Variants in MPHOSPH9 observed in about 807,000 individuals in gnomAD.
MPHOSPH9 encodes the protein M-phase phosphoprotein 9.
MPHOSPH9 carries 88 observed loss-of-function variants against 145.5 expected under a neutral mutation model. The ratio of observed to expected loss-of-function variants is 0.60; its 90% CI spans 0.51 to 0.72. The LOEUF (loss-of-function observed/expected upper bound fraction) is 0.72, where lower values mean the gene tolerates loss of function less well. MPHOSPH9 is among the 30% of genes least tolerant of loss of function. MPHOSPH9 has a pLI of 0.00. For missense variants in MPHOSPH9, 1,238 were observed against 1,386.6 expected (o/e 0.89, Z 1.70); for synonymous variants, 435 against 486.2 (o/e 0.89, Z 1.39).
intron 16 of MPHOSPH9, among the ~76,000 whole-genome samples, chr12:123,173,651 G>C (rs962175082): frequency 6.6e-5 from 10 of 152,194 alleles, no homozygotes; most frequent in Admixed American, 6.5e-4. Context: ...ATGCCCAAAA[G>C]GACAGGGCTC....
chr12:123,202,209 G>C lies in MPHOSPH9; in HGVS notation c.1892C>G (p.Ser631Cys), dbSNP rs1404137503. The change falls in exon 11 of 24, where the codon TCT becomes TGT. Residue 631 changes from serine to cysteine, a missense_variant. By Grantham distance (112) the Ser-to-Cys change is moderately radical. This residue lies in a region of MPHOSPH9 where 837 missense variants were observed against 897.5 expected (regional missense o/e 0.93). Transcript: ENST00000606320. Reference protein sequence around the residue: ...LKQKLEAKEISGVEDWKITNQ... With the variant: ...LKQKLEAKEICGVEDWKITNQ... ...GGTTATCTTCCAATCTTCAACTCCA[G>C]AGATTTCTTTTGCCTCCAGCTTCTG... 1 of 1,612,486 alleles carries C rather than the reference G, an allele frequency of 6.2e-7. No homozygotes were observed. Among genetic ancestry groups the C allele is most frequent in the South Asian group, 1.1e-5 (1 of 90,520 alleles).
chr12:123,159,860 T>G lies in MPHOSPH9; in HGVS notation c.3450+921A>C, dbSNP rs2044028835. The G allele has an allele frequency of 1.3e-5, 2 of 152,096 alleles. No individual in the cohort carries two copies. Among genetic ancestry groups the G allele is most frequent in the African/African-American group, 4.8e-5 (2 of 41,440 alleles). The allele number at this position is 152,096 out of a possible 1,614,324, so 9.4% of individuals were successfully genotyped here. On this transcript the variant is annotated intron_variant, in intron 23 of 23. Transcript: ENST00000606320. This position sits in a 1 kb window ranked among gnomAD's most constrained non-coding sequence, Gnocchi z 4.3. Reference sequence around the variant, plus strand: ...TATTTCATAACATGAAAAGTTCAATTGAAAGTTTATTTTTTTTTTTTTTTA... The same window carrying G: ...TATTTCATAACATGAAAAGTTCAATGGAAAGTTTATTTTTTTTTTTTTTTA...
At chr12:123,204,743 C>T (rs776845434) in intron 8 of MPHOSPH9, among the ~76,000 whole-genome samples, 4 of 152,048 alleles carry the variant, frequency 2.6e-5, no homozygotes, top group Non-Finnish European at 4.4e-5. Context: ...GGAGTGGTGG[C>T]GCAGGCCTGT....
chr12:123,241,628 C>A (rs184603538), intron 1 of MPHOSPH9, among the ~76,000 whole-genome samples: 79 of 152,272 alleles, frequency 5.2e-4, no homozygotes, highest in African/African-American at 1.8e-3. Context: ...GCACGAACCA[C>A]CATGCCCAGC....
At chr12:123,236,348 CTT>C (rs1401781275), upstream of MPHOSPH9, among the ~76,000 whole-genome samples, 1 of 152,020 alleles carries the variant, frequency 6.6e-6, no homozygotes, top group Non-Finnish European at 1.5e-5. Flanking sequence ...AATCCCATCA[CTT>C]TGGGAGGCTG....
intron 1 of MPHOSPH9, among the ~76,000 whole-genome samples, chr12:123,240,939 C>T (rs1212932512): frequency 6.6e-6 from 1 of 151,916 alleles, no homozygotes; most frequent in Non-Finnish European, 1.5e-5. Context: ...GTCTTGAACT[C>T]CTGACCTCAG....
At chr12:123,205,851 G>A (rs2046403689) in intron 8 of MPHOSPH9, among the ~76,000 whole-genome samples, 1 of 152,166 alleles carries the variant, frequency 6.6e-6, no homozygotes, top group African/African-American at 2.4e-5. Context: ...TTGTGGTTGT[G>A]ACAGACTGTC....
intron 17 of MPHOSPH9, among the ~76,000 whole-genome samples, chr12:123,166,199 C>A (rs191405840): frequency 2.2e-4 from 33 of 152,322 alleles, no homozygotes; most frequent in Non-Finnish European, 4.0e-4. Context: ...TTGAGCTCCC[C>A]AGGCTCAAGT....
At position 123,156,617 on chromosome 12, in the gene MPHOSPH9, C is replaced by A. The variant is rs1322811101; in HGVS notation, c.*190G>T. ...TAAATAGTAAAATATACAAGAGATT[C>A]CTGAGCATAACAAAAATATCTTGAA... On this transcript the variant is annotated 3_prime_UTR_variant, in exon 24 of 24. Coordinates refer to ENST00000606320, the MANE Select transcript of MPHOSPH9 (RefSeq NM_022782.4). The A allele has an allele frequency of 7.0e-6, 3 of 428,432 alleles. No homozygotes were observed. Among genetic ancestry groups the A allele is most frequent in the East Asian group, 6.7e-5 (2 of 29,874 alleles). 26.5% of individuals were successfully genotyped at this position (428,432 alleles called of 1,614,324 possible).
At chr12:123,241,946 T>G (rs1171959267) in intron 1 of MPHOSPH9, among the ~76,000 whole-genome samples, 2 of 152,214 alleles carry the variant, frequency 1.3e-5, no homozygotes, top group East Asian at 3.9e-4. Context: ...ATGAGGGGCA[T>G]AGAAAGTTTG....
chr12:123,156,834 A>T lies in MPHOSPH9; in HGVS notation c.3525T>A (p.His1175Gln). 6.2e-7 allele frequency: 1 copy of T among 1,612,394 alleles called. No individual in the cohort carries two copies. Among genetic ancestry groups the T allele is most frequent in the Non-Finnish European group, 8.5e-7 (1 of 1,178,644 alleles). The change falls in exon 24 of 24, where the codon CAT becomes CAA. Residue 1175 changes from histidine to glutamine, a missense_variant. His to Gln is a conservative substitution (Grantham distance 24). Around this residue, in one of 3 missense-constraint regions of MPHOSPH9, gnomAD observed 393 missense variants for 462.5 expected, o/e 0.85. Coordinates refer to ENST00000606320, the MANE Select transcript of MPHOSPH9 (RefSeq NM_022782.4). ...GSVRMTLKKF[H>Q]VLRTSANL ...AAAGATTTGCAGAGGTGCGCAAAAC[A>T]TGGAATTTCTTTAGCGTCATGCGAA...
chr12:123,157,030 C>T, intron 23 of MPHOSPH9, 122 bp from the exon 24 acceptor site: 1 of 599,346 alleles, frequency 1.7e-6, no homozygotes, highest in Non-Finnish European at 2.8e-6. Flanking sequence ...AATTATTTTG[C>T]TTTCTACACG....
At chr12:123,227,380 A>C in intron 3 of MPHOSPH9, 83 bp downstream of exon 3, 1 of 1,081,824 alleles carries the variant, frequency 9.2e-7, no homozygotes, top group Non-Finnish European at 1.2e-6. Flanking sequence ...TCAGGACATA[A>C]ATTTCTAATA....
intron 6 of MPHOSPH9, among the ~76,000 whole-genome samples, chr12:123,216,690 A>G (rs2046975212): frequency 6.6e-6 from 1 of 151,874 alleles, no homozygotes. Context: ...GTCTCTACAA[A>G]AATATATTTT....
At chr12:123,162,518 T>C (rs1482868480) in intron 20 of MPHOSPH9, 1 of 196,504 alleles carries the variant, frequency 5.1e-6, no homozygotes, top group East Asian at 1.3e-4. Context: ...AAACTGAGGT[T>C]CAATGTGCTT....
intron 1 of MPHOSPH9, 164 bp downstream of exon 1, chr12:123,232,911 G>C (rs1442154636): frequency 6.6e-6 from 1 of 152,348 alleles, no homozygotes; most frequent in East Asian, 1.9e-4. Context: ...GCCGGGCAGA[G>C]CTCCCACACG....
chr12:123,184,954 C>A (rs2045372191), intron 13 of MPHOSPH9, among the ~76,000 whole-genome samples: 1 of 152,058 alleles, frequency 6.6e-6, no homozygotes, highest in South Asian at 2.1e-4. Flanking sequence ...TAGATGTGCA[C>A]CATCACACCC....
At chr12:123,204,706 C>A (rs2046354990) in intron 8 of MPHOSPH9, among the ~76,000 whole-genome samples, 2 of 152,118 alleles carry the variant, frequency 1.3e-5, no homozygotes, top group South Asian at 4.1e-4. Flanking sequence ...GAAACCCTGT[C>A]TCTACTAAAA....
chr12:123,153,910 C>T (rs148781207), downstream of MPHOSPH9, among the ~76,000 whole-genome samples: 1,110 of 152,188 alleles, frequency 7.3e-3, 7 homozygotes, highest in Non-Finnish European at 0.011. Flanking sequence ...CTTATTTCAT[C>T]TTATAGCTGA....
Sources: allele counts gnomAD v4.1 joint callset (sites outside exome capture counted in the v4.1 genomes callset), GRCh38; gene constraint gnomAD v4.1.1; regional missense constraint gnomAD v4.1.1; non-coding constraint Gnocchi (gnomAD v3.1); transcripts MANE v1.5; gene names NCBI Gene and HGNC (gene_info 2026-07-23, HGNC 2026-07-21).